COL23A1: variants seen among roughly 807,000 people sequenced by gnomAD.
COL23A1 encodes the protein collagen alpha-1(XXIII) chain.
COL23A1 carries 97 observed loss-of-function variants against 99.3 expected under a neutral mutation model. That is an observed-to-expected ratio of 0.98 (90% CI 0.83 to 1.16). The LOEUF (loss-of-function observed/expected upper bound fraction) is 1.16, where lower values mean the gene tolerates loss of function less well. COL23A1 is among the 50% of genes most tolerant of loss of function. The pLI is 0.00. For synonymous variants in COL23A1, 320 were observed against 308.2 expected, an observed-to-expected ratio of 1.04 and a Z score of -0.40; for missense variants, 762 against 757.4, an observed-to-expected ratio of 1.01 and a Z score of -0.07.
intron 2 of COL23A1, among the ~76,000 whole-genome samples, chr5:178,542,780 C>G (rs1761364593): frequency 6.6e-6 from 1 of 152,176 alleles, no homozygotes; most frequent in Non-Finnish European, 1.5e-5. Flanking sequence ...TCTGAACAGT[C>G]TCTGAGTAAG....
intron 2 of COL23A1, among the ~76,000 whole-genome samples, chr5:178,314,228 TC>T (rs11347950): frequency 0.61 from 92,224 of 151,650 alleles, 28,916 homozygotes; most frequent in Non-Finnish European, 0.69. Context: ...GCTGCTTACG[TC>T]CCCCCCAGAG....
intron 2 of COL23A1, among the ~76,000 whole-genome samples, chr5:178,326,238 A>G (rs1759645495): frequency 6.6e-6 from 1 of 152,086 alleles, no homozygotes; most frequent in Admixed American, 6.5e-5. Context: ...CATAGCCAGC[A>G]TATGTTTCTT....
At chr5:178,342,146 C>T (rs1006915332) in intron 2 of COL23A1, among the ~76,000 whole-genome samples, 1 of 152,172 alleles carries the variant, frequency 6.6e-6, no homozygotes, top group African/African-American at 2.4e-5. Flanking sequence ...ACCACTTCTG[C>T]GGAAGGCTGC....
At chr5:178,311,869 C>T (rs1487189176) in intron 2 of COL23A1, among the ~76,000 whole-genome samples, 1 of 151,942 alleles carries the variant, frequency 6.6e-6, no homozygotes, top group Non-Finnish European at 1.5e-5. Flanking sequence ...CTGCTGGGAC[C>T]ACAGGCACGC....
At chr5:178,578,489 C>A (rs1000691330) in intron 1 of COL23A1, among the ~76,000 whole-genome samples, 3 of 152,162 alleles carry the variant, frequency 2.0e-5, no homozygotes, top group Admixed American at 1.3e-4. Flanking sequence ...TGAGCAGATC[C>A]GGCATTTTTT....
chr5:178,247,534 C>G lies in COL23A1; in HGVS notation c.1288G>C (p.Gly430Arg). 1 of 1,614,110 alleles carries G rather than the reference C, an allele frequency of 6.2e-7. No individual in the cohort carries two copies. The highest frequency in any genetic ancestry group is 8.5e-7 in the Non-Finnish European group (1 of 1,179,992). The stretch of plus-strand genomic sequence containing the variant: ...GGTCTGTGCCCACTCACCTTGGGAC[C>G]CTGGATTCCCTGGAGGCCCTGCAGG... ...PGPMGLQGIQ[G>R]PKGLDGAKGE... Residue 430 changes from glycine (G) to arginine (R), a missense_variant, in exon 22 of 29, where the codon GGT becomes CGT. Coordinates refer to ENST00000390654, the MANE Select transcript of COL23A1 (RefSeq NM_173465.4).
At chr5:178,369,072 C>T (rs1245956602) in intron 2 of COL23A1, among the ~76,000 whole-genome samples, 1 of 152,238 alleles carries the variant, frequency 6.6e-6, no homozygotes, top group African/African-American at 2.4e-5. Flanking sequence ...CCTTAGGCTG[C>T]ATCCGTCGGC....
At chr5:178,526,802 A>T (rs1469378192) in intron 2 of COL23A1, among the ~76,000 whole-genome samples, 1 of 152,226 alleles carries the variant, frequency 6.6e-6, no homozygotes, top group South Asian at 2.1e-4. Flanking sequence ...CTCCTCTGCT[A>T]TCCAGACATG....
chr5:178,437,292 G>A (rs566341948), intron 2 of COL23A1, among the ~76,000 whole-genome samples: 1 of 152,294 alleles, frequency 6.6e-6, no homozygotes, highest in Non-Finnish European at 1.5e-5. Context: ...TTTACTGGCT[G>A]TCACAGAAAT....
At chr5:178,273,838 CTGG>C (rs1458252647) in intron 5 of COL23A1, among the ~76,000 whole-genome samples, 1 of 152,228 alleles carries the variant, frequency 6.6e-6, no homozygotes, top group East Asian at 1.9e-4. Context: ...AAGGAACAGC[CTGG>C]CTTTGGAGTC....
intron 2 of COL23A1, among the ~76,000 whole-genome samples, chr5:178,521,185 C>T (rs566616563): frequency 4.5e-4 from 68 of 152,278 alleles, no homozygotes; most frequent in African/African-American, 1.6e-3. Context: ...ACGGGACCAC[C>T]ATCATATATG....
chr5:178,303,640 G>A (rs1581116468), intron 3 of COL23A1, among the ~76,000 whole-genome samples: 1 of 152,234 alleles, frequency 6.6e-6, no homozygotes, highest in South Asian at 2.1e-4. Context: ...CCCGGGAAGT[G>A]CCTCCGTTTG....
chr5:178,258,706 G>C (rs534091778), intron 12 of COL23A1, among the ~76,000 whole-genome samples: 3 of 150,908 alleles, frequency 2.0e-5, no homozygotes, highest in African/African-American at 7.3e-5. Flanking sequence ...GGTTTTTTTT[G>C]GTTTTTGAGA....
intron 11 of COL23A1, among the ~76,000 whole-genome samples, chr5:178,260,965 C>G (rs1046669460): frequency 6.6e-6 from 1 of 151,624 alleles, no homozygotes; most frequent in African/African-American, 2.4e-5. Flanking sequence ...AAGAGTGAAC[C>G]CTAATGTAAA....
At chr5:178,277,512 C>A (rs766498648) in intron 5 of COL23A1, among the ~76,000 whole-genome samples, 24 of 152,266 alleles carry the variant, frequency 1.6e-4, no homozygotes, top group Non-Finnish European at 3.1e-4. Flanking sequence ...CCACCCTTCC[C>A]TGTGGTCTCA....
chr5:178,263,133 A>ATGGGGC (rs1171882063), intron 9 of COL23A1, 75 bp downstream of exon 9: 24 of 1,051,856 alleles, frequency 2.3e-5, no homozygotes, highest in Middle Eastern at 2.1e-4. Context: ...GGGGATGGGG[A>ATGGGGC]TGGGGCTGGC....
At chr5:178,502,996 G>A (rs1758656752) in intron 2 of COL23A1, among the ~76,000 whole-genome samples, 1 of 152,194 alleles carries the variant, frequency 6.6e-6, no homozygotes, top group African/African-American at 2.4e-5. Flanking sequence ...AGTCACAGAC[G>A]AGCACAGTCA....
intron 2 of COL23A1, among the ~76,000 whole-genome samples, chr5:178,530,460 CAA>C (rs796874676): frequency 9.3e-5 from 14 of 150,072 alleles, no homozygotes; most frequent in Admixed American, 9.3e-4. Flanking sequence ...AGACCTGTTT[CAA>C]AAAAAAAGGC....
At chr5:178,267,375 TC>T (rs768878724) in intron 7 of COL23A1, 42 bp from the exon 8 acceptor site, 2 of 1,606,904 alleles carry the variant, frequency 1.2e-6, no homozygotes, top group Admixed American at 3.4e-5. Context: ...ACTGCTTTCA[TC>T]GTTTCTTCAC....
Sources: gnomAD v4.1 joint callset for allele counts (sites outside exome capture counted in the v4.1 genomes callset) on GRCh38, gnomAD v4.1.1 for gene constraint, MANE v1.5 for transcripts, NCBI Gene and HGNC (gene_info 2026-07-23, HGNC 2026-07-21) for gene names.